Variants in NCR3LG1 observed in about 807,000 individuals in gnomAD.
NCR3LG1 encodes the protein natural cytotoxicity triggering receptor 3 ligand 1.
A neutral mutation model predicts 34.8 loss-of-function variants in NCR3LG1; 35 were observed. The observed-to-expected ratio is 1.01, with a 90% CI of 0.77 to 1.33. The LOEUF is 1.33. Among genes scored for constraint, NCR3LG1 ranks in the 40% most tolerant of loss-of-function variants. NCR3LG1 has a pLI of 0.00. For synonymous variants in NCR3LG1, 173 were observed against 163.6 expected, an observed-to-expected ratio of 1.06 and a Z score of -0.44; for missense variants, 452 against 423.3, an observed-to-expected ratio of 1.07 and a Z score of -0.60.
In NCR3LG1 at chr11:17,372,901, T is replaced by C. The variant is rs1376286308; in HGVS notation, c.*389T>C. The C allele has an allele frequency of 1.1e-5, 2 of 180,878 alleles. No homozygotes were observed. The highest frequency in any genetic ancestry group is 4.7e-5 in the African/African-American group (2 of 42,180). 11.2% of individuals were successfully genotyped at this position (180,878 alleles called of 1,614,324 possible). A position where few individuals can be genotyped will look rare whatever the true frequency, so the allele number is the denominator to read the frequency against. On this transcript the variant is annotated 3_prime_UTR_variant, in exon 5 of 5. Transcript: ENST00000338965. Reference sequence around the variant, plus strand: ...GTGGCAAAGAAAACATTTTCAAATGTGCTTATTAGAGGGCCTACAGAGGAC... The same window carrying C: ...GTGGCAAAGAAAACATTTTCAAATGCGCTTATTAGAGGGCCTACAGAGGAC...
At chr11:17,359,091 T>G (rs1031773215) in intron 2 of NCR3LG1, among the ~76,000 whole-genome samples, 1 of 152,204 alleles carries the variant, frequency 6.6e-6, no homozygotes, top group African/African-American at 2.4e-5. Context: ...CAACCAATAC[T>G]CCAAGAAACC....
rs868636650 is a variant in NCR3LG1 at position 17,357,030 on chromosome 11, T to C, written c.421+29T>C. 106 of 1,421,518 alleles carry C rather than the reference T, an allele frequency of 7.5e-5. No individual in the cohort carries two copies. In the Middle Eastern group the frequency reaches 3.1e-3, roughly 42 times the overall value. The allele number at this position is 1,421,518 out of a possible 1,614,324, so 88.1% of individuals were successfully genotyped here. ...AGTGTCTCGGGGCAGTGCCCTACAG[T>C]TCCCATGGTGTTGGGGTTAGCAACA... is the stretch of plus-strand genomic sequence containing the variant. On this transcript the variant is annotated intron_variant, in intron 2 of 4. Transcript: ENST00000338965.
At chr11:17,352,349 T>A (rs1282144093) in intron 1 of NCR3LG1, among the ~76,000 whole-genome samples, 2 of 151,826 alleles carry the variant, frequency 1.3e-5, no homozygotes, top group Admixed American at 6.6e-5. Flanking sequence ...CCCGGCTAAT[T>A]TTTTGTACTT....
intron 4 of NCR3LG1, among the ~76,000 whole-genome samples, chr11:17,370,205 C>T (rs1953391017): frequency 6.6e-6 from 1 of 152,184 alleles, no homozygotes; most frequent in African/African-American, 2.4e-5. Context: ...CTCTTTTGGG[C>T]CCCCTCTCTG....
chr11:17,371,447 G>A (rs146767807), intron 4 of NCR3LG1, among the ~76,000 whole-genome samples: 1,630 of 152,254 alleles, frequency 0.011, 16 homozygotes, highest in South Asian at 0.032. Flanking sequence ...CCAGGAAGAA[G>A]CTACCCTGGG....
chr11:17,356,363 T>C (rs560788496), intron 1 of NCR3LG1, among the ~76,000 whole-genome samples: 1 of 152,076 alleles, frequency 6.6e-6, no homozygotes, highest in East Asian at 1.9e-4. Context: ...GGTCTCAATC[T>C]CCTGACCTCA....
chr11:17,369,334 A>G (rs979086837), intron 4 of NCR3LG1, among the ~76,000 whole-genome samples: 2 of 152,236 alleles, frequency 1.3e-5, no homozygotes, highest in African/African-American at 4.8e-5. Flanking sequence ...ACACATTTAG[A>G]AACTATGGCT....
chr11:17,355,986 A>C (rs1210862586), intron 1 of NCR3LG1, among the ~76,000 whole-genome samples: 1 of 151,796 alleles, frequency 6.6e-6, no homozygotes, highest in African/African-American at 2.4e-5. Flanking sequence ...TTTTTTGTAG[A>C]GACAAGGTCC....
chr11:17,359,536 C>T (rs1405974683), intron 2 of NCR3LG1, among the ~76,000 whole-genome samples: 1 of 141,800 alleles, frequency 7.1e-6, no homozygotes, highest in Non-Finnish European at 1.5e-5. Context: ...TTTTTTGAGA[C>T]AGTCTTGCTC....
At position 17,354,674 on chromosome 11, in the gene NCR3LG1, C is replaced by T. The variant is rs1001983099; in HGVS notation, c.71-1977C>T. Among the ~76,000 whole-genome samples, 4 of 150,320 alleles carry T rather than the reference C, an allele frequency of 2.7e-5. 1 individual carries two copies. The Middle Eastern group carries it at 0.01, about 391-fold the overall frequency. On this transcript the variant is annotated intron_variant, in intron 1 of 4. Coordinates refer to ENST00000338965, the MANE Select transcript of NCR3LG1 (RefSeq NM_001202439.3). ...TTCTTGGTTGGCCACCAGGGGGAAG[C>T]ATACTGTTTTTTTGGTTACAGTTGA...
intron 2 of NCR3LG1, among the ~76,000 whole-genome samples, chr11:17,357,216 T>C (rs1348893322): frequency 6.6e-6 from 1 of 152,164 alleles, no homozygotes; most frequent in Non-Finnish European, 1.5e-5. Flanking sequence ...TTTCACACTT[T>C]TGGAAGGCTA....
intron 2 of NCR3LG1, among the ~76,000 whole-genome samples, chr11:17,362,692 C>T (rs1953285365): frequency 1.8e-4 from 1 of 5,476 alleles, no homozygotes; most frequent in Non-Finnish European, 2.8e-4. Context: ...TCCTTCCTTC[C>T]TTTCTTTCTT....
At position 17,375,191 on chromosome 11, in the gene NCR3LG1, GAA is replaced by G. The variant is rs1261265647; in HGVS notation, c.*2680_*2681del. 6.6e-6 allele frequency: 1 copy of G among 152,220 alleles called. No homozygotes were observed. Among genetic ancestry groups the G allele is most frequent in the Non-Finnish European group, 1.5e-5 (1 of 68,038 alleles). 9.4% of individuals were successfully genotyped at this position (152,220 alleles called of 1,614,324 possible). A position where few individuals can be genotyped will look rare whatever the true frequency, so the allele number is the denominator to read the frequency against. On this transcript the variant is annotated 3_prime_UTR_variant, in exon 5 of 5. Transcript: ENST00000338965. ...CAAGTATCAGACTTTGCTGCTAGAG[GAA>G]TCTGCAGTCCAGTTAAAAACCTGAC...
rs1953426784 is a variant in NCR3LG1 at position 17,372,743 on chromosome 11, A to G, written c.*231A>G. The G allele has an allele frequency of 2.1e-6, 1 of 485,584 alleles. No individual in the cohort carries two copies. The highest frequency in any genetic ancestry group is 1.9e-5 in the African/African-American group (1 of 52,128). 30.1% of individuals were successfully genotyped at this position (485,584 alleles called of 1,614,324 possible). On this transcript the variant is annotated 3_prime_UTR_variant, in exon 5 of 5. Coordinates refer to ENST00000338965, the MANE Select transcript of NCR3LG1 (RefSeq NM_001202439.3). Reference sequence around the variant, plus strand: ...CTGCAGGCAGCAGAAAAATTCAGAGATGAACAACATGTCTTCTATAGCCAC... The same window carrying G: ...CTGCAGGCAGCAGAAAAATTCAGAGGTGAACAACATGTCTTCTATAGCCAC...
Position 17,377,036 on chromosome 11 carries a change from A to G in NCR3LG1, c.*4524A>G, listed in dbSNP as rs1953483597. On this transcript the variant is annotated 3_prime_UTR_variant, in exon 5 of 5. Transcript: ENST00000338965. ...CTTCCCAGACATGCACCCTCATGGG[A>G]TTCCAGACCCCCTGTATGATGCTTA... 1 of 152,150 alleles carries G rather than the reference A, an allele frequency of 6.6e-6. No individual in the cohort carries two copies. Among genetic ancestry groups the G allele is most frequent in the African/African-American group, 2.4e-5 (1 of 41,418 alleles). The allele number at this position is 152,150 out of a possible 1,614,324, so 9.4% of individuals were successfully genotyped here.
chr11:17,351,882 C>A lies in NCR3LG1; in HGVS notation c.-88C>A, dbSNP rs1371800832. The A allele has an allele frequency of 6.8e-6, 7 of 1,034,926 alleles. No individual in the cohort carries two copies. Among genetic ancestry groups the A allele is most frequent in the Non-Finnish European group, 1.0e-5 (7 of 699,000 alleles). 64.1% of individuals were successfully genotyped at this position (1,034,926 alleles called of 1,614,324 possible). A position where few individuals can be genotyped will look rare whatever the true frequency, so the allele number is the denominator to read the frequency against. On this transcript the variant is annotated 5_prime_UTR_variant, in exon 1 of 5. Transcript: ENST00000338965. ...CGGCTGTGTCTCCGTCAACTCTTTA[C>A]GCAACAGAGGTCTCCCCCTGCCCTT... is the stretch of plus-strand genomic sequence containing the variant.
At position 17,372,713 on chromosome 11, in the gene NCR3LG1, T is replaced by G. The variant is rs1373395701; in HGVS notation, c.*201T>G. The G allele has an allele frequency of 2.1e-5, 11 of 519,010 alleles. No homozygotes were observed. Among genetic ancestry groups the G allele is most frequent in the Non-Finnish European group, 3.4e-5 (10 of 295,448 alleles). 32.2% of individuals were successfully genotyped at this position (519,010 alleles called of 1,614,324 possible). The stretch of plus-strand genomic sequence containing the variant: ...CTCTTAACTACTACAGAGAAACAGG[T>G]AGCCCTGCAGGCAGCAGAAAAATTC... On this transcript the variant is annotated 3_prime_UTR_variant, in exon 5 of 5. Transcript: ENST00000338965.
At chr11:17,360,534 G>T (rs1199875878) in intron 2 of NCR3LG1, among the ~76,000 whole-genome samples, 5 of 151,774 alleles carry the variant, frequency 3.3e-5, no homozygotes, top group African/African-American at 1.2e-4. Context: ...TTGACATTTA[G>T]GTCTATGATG....
chr11:17,368,375 C>T (rs1310420114), intron 3 of NCR3LG1, among the ~76,000 whole-genome samples: 2 of 152,046 alleles, frequency 1.3e-5, no homozygotes, highest in African/African-American at 4.8e-5. Flanking sequence ...GTGACTGGGG[C>T]ACTGAGGAAT....
Sources: allele counts gnomAD v4.1 joint callset (sites outside exome capture counted in the v4.1 genomes callset), GRCh38; gene constraint gnomAD v4.1.1; transcripts MANE v1.5; gene names NCBI Gene and HGNC (gene_info 2026-07-23, HGNC 2026-07-21).